Variants in SLC9A9 observed in about 807,000 individuals in gnomAD.
SLC9A9 encodes the protein solute carrier family 9 member A9, also known as sodium/hydrogen exchanger 9.
SLC9A9 carries 62 observed loss-of-function variants against 77.8 expected under a neutral mutation model. That is an observed-to-expected ratio of 0.80 (90% CI 0.65 to 0.98). The LOEUF (loss-of-function observed/expected upper bound fraction) is 0.98, where lower values mean the gene tolerates loss of function less well. Among genes scored for constraint, SLC9A9 ranks in the 50% least tolerant of loss-of-function variants. The pLI is 0.00. For missense variants in SLC9A9, 775 were observed against 774.9 expected (o/e 1.00, Z 0.00); for synonymous variants, 320 against 283.5 (o/e 1.13, Z -1.29).
intron 4 of SLC9A9, among the ~76,000 whole-genome samples, chr3:143,734,124 G>A (rs1350154075): frequency 6.6e-6 from 1 of 152,030 alleles, no homozygotes; most frequent in Non-Finnish European, 1.5e-5. Context: ...CTGAATTCAG[G>A]CATTTGAGGT....
intron 12 of SLC9A9, among the ~76,000 whole-genome samples, chr3:143,387,360 T>G (rs1236897302): frequency 1.3e-5 from 2 of 151,930 alleles, no homozygotes; most frequent in Non-Finnish European, 2.9e-5. Context: ...TAAAGGTGCA[T>G]GCAGCCTTAG....
intron 4 of SLC9A9, among the ~76,000 whole-genome samples, chr3:143,697,407 T>A (rs1323873636): frequency 1.3e-5 from 2 of 152,116 alleles, no homozygotes; most frequent in Admixed American, 1.3e-4. Flanking sequence ...ATAGCCATAA[T>A]AAAAACAAAG....
At chr3:143,670,167 G>A (rs2039135635) in intron 5 of SLC9A9, among the ~76,000 whole-genome samples, 1 of 152,048 alleles carries the variant, frequency 6.6e-6, no homozygotes, top group South Asian at 2.1e-4. Context: ...GAGTCTTAGG[G>A]TCTTCATCTA....
intron 6 of SLC9A9, among the ~76,000 whole-genome samples, chr3:143,609,796 A>C (rs1157154617): frequency 6.6e-6 from 1 of 152,112 alleles, no homozygotes; most frequent in Non-Finnish European, 1.5e-5. Context: ...AGATGCATCT[A>C]CCTCTCTTCA....
intron 14 of SLC9A9, among the ~76,000 whole-genome samples, chr3:143,337,408 A>G (rs937443090): frequency 1.2e-4 from 19 of 152,150 alleles, no homozygotes; most frequent in African/African-American, 4.3e-4. Context: ...GAAACTGCCT[A>G]CTTCCAAAGA....
intron 5 of SLC9A9, among the ~76,000 whole-genome samples, chr3:143,689,883 A>C (rs1009069930): frequency 4.6e-5 from 7 of 152,070 alleles, no homozygotes; most frequent in African/African-American, 9.7e-5. Context: ...AATCACTGAA[A>C]ATTTAGGGTA....
At chr3:143,481,154 T>C (rs1187329569) in intron 11 of SLC9A9, among the ~76,000 whole-genome samples, 1 of 152,158 alleles carries the variant, frequency 6.6e-6, no homozygotes, top group Non-Finnish European at 1.5e-5. Context: ...GATAAGCATT[T>C]TGGATTCACT....
intron 4 of SLC9A9, among the ~76,000 whole-genome samples, chr3:143,758,294 A>G (rs1407401092): frequency 1.3e-5 from 2 of 152,218 alleles, no homozygotes; most frequent in Admixed American, 1.3e-4. Context: ...CAACCTAGTT[A>G]ATATGCCTAT....
chr3:143,599,590 T>C (rs2037811531), intron 6 of SLC9A9, among the ~76,000 whole-genome samples: 1 of 152,120 alleles, frequency 6.6e-6, no homozygotes, highest in African/African-American at 2.4e-5. Flanking sequence ...TCCAAGATCC[T>C]GCAAAATATC....
chr3:143,696,115 G>A (rs7652256), intron 4 of SLC9A9, among the ~76,000 whole-genome samples: 65,009 of 151,950 alleles, frequency 0.43, 14,090 homozygotes, highest in South Asian at 0.6. Context: ...ACCTGATGAT[G>A]GTTTCTTTTG....
chr3:143,635,509 G>A (rs779921753), intron 6 of SLC9A9, among the ~76,000 whole-genome samples: 2 of 152,136 alleles, frequency 1.3e-5, no homozygotes, highest in Non-Finnish European at 2.9e-5. Context: ...GTAGTTTATG[G>A]CATTCAAATT....
At chr3:143,462,705 C>T (rs1388415962) in intron 12 of SLC9A9, among the ~76,000 whole-genome samples, 1 of 152,222 alleles carries the variant, frequency 6.6e-6, no homozygotes, top group East Asian at 1.9e-4. Context: ...TCAGCCCAAT[C>T]ACTTGTGATG....
chr3:143,567,619 T>G (rs953573767), intron 8 of SLC9A9, among the ~76,000 whole-genome samples: 1 of 152,222 alleles, frequency 6.6e-6, no homozygotes, highest in Non-Finnish European at 1.5e-5. Flanking sequence ...ATGTGACTAT[T>G]GAACACTGGC....
At chr3:143,754,871 A>T (rs1456508035) in intron 4 of SLC9A9, among the ~76,000 whole-genome samples, 2 of 152,168 alleles carry the variant, frequency 1.3e-5, no homozygotes, top group Non-Finnish European at 2.9e-5. Flanking sequence ...TATCAAAAGA[A>T]CCTCATTTGG....
chr3:143,568,644 T>C (rs1465091981), intron 8 of SLC9A9, among the ~76,000 whole-genome samples: 1 of 152,218 alleles, frequency 6.6e-6, no homozygotes. Flanking sequence ...TAAAGTGATC[T>C]GTTATTCAGG....
intron 5 of SLC9A9, among the ~76,000 whole-genome samples, chr3:143,676,739 C>A (rs1932903327): frequency 6.6e-6 from 1 of 151,906 alleles, no homozygotes; most frequent in Admixed American, 6.6e-5. Flanking sequence ...CCTTCTCAAA[C>A]AAACAAACAA....
intron 4 of SLC9A9, among the ~76,000 whole-genome samples, chr3:143,789,177 C>T (rs959641670): frequency 4.6e-5 from 7 of 152,182 alleles, no homozygotes; most frequent in Admixed American, 4.6e-4. Context: ...TATTACCTCA[C>T]AGTACATGGT....
chr3:143,824,990 G>A (rs886427509), intron 2 of SLC9A9, among the ~76,000 whole-genome samples: 1 of 152,134 alleles, frequency 6.6e-6, no homozygotes, highest in Non-Finnish European at 1.5e-5. Context: ...CATCTCACGT[G>A]GTAGGAGCCA....
chr3:143,740,240 T>TGA (rs565684026), intron 4 of SLC9A9, among the ~76,000 whole-genome samples: 8 of 151,812 alleles, frequency 5.3e-5, no homozygotes, highest in Admixed American at 3.3e-4. Flanking sequence ...GACAAAAAAA[T>TGA]GAGAGAGAGA....
Sources: gnomAD v4.1 joint callset for allele counts (sites outside exome capture counted in the v4.1 genomes callset) on GRCh38, gnomAD v4.1.1 for gene constraint, MANE v1.5 for transcripts, NCBI Gene and HGNC (gene_info 2026-07-23, HGNC 2026-07-21) for gene names.